The following RNF112 variants were observed in gnomAD, a reference collection of about 807,000 sequenced individuals.
RNF112 encodes the protein ring finger protein 112, also known as brain finger protein.
In RNF112, 34 loss-of-function variants were observed where a neutral mutation model predicts 64.7. The ratio of observed to expected loss-of-function variants is 0.53; its 90% CI spans 0.40 to 0.70. The LOEUF is 0.70. RNF112 is among the 30% of genes least tolerant of loss of function. The pLI, the probability that RNF112 is intolerant of heterozygous loss-of-function variation, is 0.00. For missense variants in RNF112, 734 were observed against 850.0 expected (o/e 0.86, Z 1.70); for synonymous variants, 345 against 344.5 (o/e 1.00, Z -0.02).
chr17:19,411,902 A>G, intron 2 of RNF112: 1 of 607,318 alleles, frequency 1.6e-6, no homozygotes, highest in East Asian at 2.8e-5. Context: ...ATCCAGAGCC[A>G]TCTGCCCAAC....
Position 19,413,433 on chromosome 17 carries a change from G to A in RNF112, c.720+22G>A, listed in dbSNP as rs957817102. 8 of 1,603,536 alleles carry A rather than the reference G, an allele frequency of 5.0e-6. No individual in the cohort carries two copies. Among genetic ancestry groups the A allele is most frequent in the African/African-American group, 4.0e-5 (3 of 74,772 alleles). ...GAAGGTGAGGGGGGAAGTGGCAGAA[G>A]GAGGTCAGGGATGGGAAGGGGAATC... On this transcript the variant is annotated intron_variant, in intron 5 of 13. Coordinates refer to ENST00000461366, the MANE Select transcript of RNF112 (RefSeq NM_007148.5). The surrounding 1 kb of genome is among the most constrained non-coding windows in gnomAD (Gnocchi z 5.9).
chr17:19,414,289 G>T, intron 7 of RNF112, 144 bp downstream of exon 7: 1 of 1,123,446 alleles, frequency 8.9e-7, no homozygotes. Context: ...GGAGAGTAAA[G>T]CAAGAGATGT....
In RNF112 at chr17:19,413,998, A is replaced by C; in HGVS notation, c.826-97A>C. On this transcript the variant is annotated intron_variant, in intron 6 of 13. Transcript: ENST00000461366. The surrounding 1 kb of genome is among the most constrained non-coding windows in gnomAD (Gnocchi z 5.9). ...TGGCCTCTCCCATACTCTGAGGCCCACAGGCTGCCTGCGAGCTCCCTACTC... is the reference window on the plus strand; with the variant it reads ...TGGCCTCTCCCATACTCTGAGGCCCCCAGGCTGCCTGCGAGCTCCCTACTC... 9.6e-7 allele frequency: 1 copy of C among 1,045,966 alleles called. No individual in the cohort carries two copies. Among genetic ancestry groups the C allele is most frequent in the Non-Finnish European group, 1.4e-6 (1 of 692,096 alleles). 64.8% of individuals were successfully genotyped at this position (1,045,966 alleles called of 1,614,324 possible).
chr17:19,411,454 G>A lies in RNF112; in HGVS notation c.46G>A (p.Gly16Ser), dbSNP rs765625909. Residue 16 changes from glycine to serine, a missense_variant, in exon 1 of 14, where the codon GGC becomes AGC. Gly to Ser is a moderately conservative substitution (Grantham distance 56). Transcript: ENST00000461366. ...AGTCACTTCCTTTTGTCATCGGCTT[G>A]GCAAACGGGCAAGTCTTCAGTCCTA... ...LSVTSFCHRLGKRERKQSFMG... is the reference protein window; with the variant it reads ...LSVTSFCHRLSKRERKQSFMG... 5.6e-6 allele frequency: 9 copies of A among 1,603,346 alleles called. No homozygotes were observed. In the Admixed American group the frequency reaches 1.5e-4, roughly 27 times the overall value.
chr17:19,416,526 T>TC lies in RNF112; in HGVS notation c.*351_*352insC. On this transcript the variant is annotated 3_prime_UTR_variant, in exon 14 of 14. Coordinates refer to ENST00000461366, the MANE Select transcript of RNF112 (RefSeq NM_007148.5). Reference sequence around the variant, plus strand: ...CCGATGACCCTGGATTGTAGGAAAGTTAAGCAGGCACCATCCTGGAAGTCT... The same window carrying TC: ...CCGATGACCCTGGATTGTAGGAAAGTCTAAGCAGGCACCATCCTGGAAGTCT... 1 of 227,256 alleles carries TC rather than the reference T, an allele frequency of 4.4e-6. No individual in the cohort carries two copies. The allele number at this position is 227,256 out of a possible 1,614,324, so 14.1% of individuals were successfully genotyped here.
rs1913836134 is a variant in RNF112, at chr17:19,415,293, C to T, written c.1304C>T (p.Ser435Leu). The change falls in exon 12 of 14, where the codon TCA (serine) becomes TTA (leucine). Residue 435 changes from serine (S) to leucine (L), a missense_variant. By Grantham distance (145) the Ser-to-Leu change is moderately radical (BLOSUM62 -2). Coordinates refer to ENST00000461366, the MANE Select transcript of RNF112 (RefSeq NM_007148.5). The surrounding 1 kb of genome is among the most constrained non-coding windows in gnomAD (Gnocchi z 7.8). The part of the protein sequence containing the change: ...QQLAQEIKNL[S>L]GWMGRTGPGF... ...GCGATGGTATCTCCGCAGAACCTCT[C>T]AGGATGGATGGGGAGGACAGGGCCC... 5.0e-6 allele frequency: 8 copies of T among 1,609,488 alleles called. No individual in the cohort carries two copies. The highest frequency in any genetic ancestry group is 1.3e-5 in the African/African-American group (1 of 74,682).
rs1173067978 is a variant in RNF112, at chr17:19,414,670, G to A, written c.1008+10G>A. The A allele has an allele frequency of 1.9e-6, 3 of 1,611,440 alleles. No homozygotes were observed. The highest frequency in any genetic ancestry group is 2.2e-5 in the South Asian group (2 of 91,080). ...AGGCAACATCTTCCAGGTGAGTGGT[G>A]CAAGGGGATGGGGTGGAGGGGCCAT... On this transcript the variant is annotated intron_variant, in intron 9 of 13. Coordinates refer to ENST00000461366, the MANE Select transcript of RNF112 (RefSeq NM_007148.5).
rs1021088858 is a variant in RNF112 at position 19,412,638 on chromosome 17, G to A, written c.236G>A (p.Arg79Gln). 14 of 1,613,346 alleles carry A rather than the reference G, an allele frequency of 8.7e-6. No individual in the cohort carries two copies. Among genetic ancestry groups the A allele is most frequent in the South Asian group, 4.4e-5 (4 of 91,050 alleles). The change falls in exon 3 of 14, where the codon CGG becomes CAG. Residue 79 changes from arginine (R) to glutamine (Q), a missense_variant. Transcript: ENST00000461366. The surrounding 1 kb of genome is among the most constrained non-coding windows in gnomAD (Gnocchi z 5.1). ...GACTGTGGCCACGACTTCTGCATAC[G>A]GTGCTTCAGCACACACCGTCTCCCG... ...SLDCGHDFCI[R>Q]CFSTHRLPGC...
Position 19,414,772 on chromosome 17 carries a change from A to T in RNF112, c.1011A>T (p.Arg337Ser), listed in dbSNP as rs577750265. Residue 337 changes from arginine (R) to serine (S), a missense_variant and splice_region_variant, in exon 10 of 14, where the codon AGA (arginine) becomes AGT (serine). Transcript: ENST00000461366. ...GQGHVGNIFQRLSGRYPKVQE... is the reference protein window; with the variant it reads ...GQGHVGNIFQSLSGRYPKVQE... ...GCACTCCTCTCGCTGCCTCACAGAG[A>T]TTGTCTGGCAGATACCCCAAGGTGC... is the stretch of plus-strand genomic sequence containing the variant. The T allele has an allele frequency of 2.1e-5, 34 of 1,613,218 alleles. No individual in the cohort carries two copies. In the South Asian group the frequency reaches 3.6e-4, roughly 17 times the overall value.
Position 19,412,005 on chromosome 17 carries a change from CA to C in RNF112, c.95+336del, listed in dbSNP as rs1170921463. ...GGGGGCCTGGCTGAAGTCAGCACCT[CA>C]TGGAGGGAGCCCCGCTGTAGAACGC... On this transcript the variant is annotated intron_variant, in intron 2 of 13. Transcript: ENST00000461366. This position sits in a 1 kb window ranked among gnomAD's most constrained non-coding sequence, Gnocchi z 5.1. Among the ~76,000 whole-genome samples, 1 of 152,218 alleles carries C rather than the reference CA, an allele frequency of 6.6e-6. No individual in the cohort carries two copies. The highest frequency in any genetic ancestry group is 2.4e-5 in the African/African-American group (1 of 41,454).
rs1253159761 is a variant in RNF112, at chr17:19,413,607, G to A, written c.751G>A (p.Ala251Thr). ...GGTGTTCCTGGTGGACACAGGGGAT[G>A]CCATGAGCCCTGAGCTGAGCAGGGA... is the stretch of plus-strand genomic sequence containing the variant. The part of the protein sequence containing the change: ...VAVFLVDTGD[A>T]MSPELSRETR... Residue 251 changes from alanine to threonine, a missense_variant, in exon 6 of 14, where the codon GCC becomes ACC. Coordinates refer to ENST00000461366, the MANE Select transcript of RNF112 (RefSeq NM_007148.5). The surrounding 1 kb of genome is among the most constrained non-coding windows in gnomAD (Gnocchi z 5.9). 2.5e-6 allele frequency: 4 copies of A among 1,613,304 alleles called. No homozygotes were observed. The African/African-American group carries it at 4.0e-5, about 16-fold the overall frequency.
chr17:19,417,062 C>T lies in RNF112; in HGVS notation c.*887C>T, dbSNP rs1913918932. 2 of 152,238 alleles carry T rather than the reference C, an allele frequency of 1.3e-5. No homozygotes were observed. The highest frequency in any genetic ancestry group is 6.5e-5 in the Admixed American group (1 of 15,292). The allele number at this position is 152,238 out of a possible 1,614,324, so 9.4% of individuals were successfully genotyped here. A position where few individuals can be genotyped will look rare whatever the true frequency, so the allele number is the denominator to read the frequency against. On this transcript the variant is annotated 3_prime_UTR_variant, in exon 14 of 14. Coordinates refer to ENST00000461366, the MANE Select transcript of RNF112 (RefSeq NM_007148.5). The stretch of plus-strand genomic sequence containing the variant: ...CTACCCTTAAACACATCCTTTCTCC[C>T]CTGGGCTTGTAAGAAGATGCAGCTT...
chr17:19,415,271 A>G lies in RNF112; in HGVS notation c.1297-15A>G. On this transcript the variant is annotated splice_polypyrimidine_tract_variant and intron_variant, in intron 11 of 13. Transcript: ENST00000461366. This position sits in a 1 kb window ranked among gnomAD's most constrained non-coding sequence, Gnocchi z 7.8. ...GCCCCTGCTCTCCCTGACCCCAGCG[A>G]TGGTATCTCCGCAGAACCTCTCAGG... 6.2e-7 allele frequency: 1 copy of G among 1,601,284 alleles called. No homozygotes were observed. Among genetic ancestry groups the G allele is most frequent in the Non-Finnish European group, 8.5e-7 (1 of 1,176,458 alleles).
In RNF112 at chr17:19,412,479, G is replaced by C. The variant is rs774706798; in HGVS notation, c.96-19G>C. On this transcript the variant is annotated intron_variant, in intron 2 of 13. Coordinates refer to ENST00000461366, the MANE Select transcript of RNF112 (RefSeq NM_007148.5). The surrounding 1 kb of genome is among the most constrained non-coding windows in gnomAD (Gnocchi z 5.1). ...CCCAATAGACATCCTGCTTTTCAAT[G>C]GCCTGTTTTGCCCCACAGGTCCCAT... 3.1e-6 allele frequency: 5 copies of C among 1,603,146 alleles called. No individual in the cohort carries two copies. In the East Asian group the frequency reaches 1.1e-4, roughly 36 times the overall value.
Position 19,413,341 on chromosome 17 carries a change from G to C in RNF112, c.650G>C (p.Gly217Ala), listed in dbSNP as rs748034603. 1 of 1,613,370 alleles carries C rather than the reference G, an allele frequency of 6.2e-7. No individual in the cohort carries two copies. The highest frequency in any genetic ancestry group is 8.5e-7 in the Non-Finnish European group (1 of 1,179,632). The change falls in exon 5 of 14, where the codon GGC becomes GCC. Residue 217 changes from glycine (G) to alanine (A), a missense_variant. By Grantham distance (60) the Gly-to-Ala change is moderately conservative. Transcript: ENST00000461366. This position sits in a 1 kb window ranked among gnomAD's most constrained non-coding sequence, Gnocchi z 5.9. ...GCATCCCTGCAGGGCTGCAGGTGGG[G>C]CGCCAATGGCCTCGCCAGGGGCATA... The part of the protein sequence containing the change: ...GEASLQGCRW[G>A]ANGLARGIWM...
chr17:19,415,392 AGGTG>A lies in RNF112; in HGVS notation c.1350+56_1350+59del. 1.3e-6 allele frequency: 2 copies of A among 1,553,110 alleles called. No homozygotes were observed. The highest frequency in any genetic ancestry group is 1.7e-6 in the Non-Finnish European group (2 of 1,148,536). ...TGGCAGGGAGACAGGGGAGGCAGGG[AGGTG>A]GGGGCTGTGCCGAGGCCTCCGGGGT... On this transcript the variant is annotated intron_variant, in intron 12 of 13. Transcript: ENST00000461366. The surrounding 1 kb of genome is among the most constrained non-coding windows in gnomAD (Gnocchi z 7.8).
At position 19,412,613 on chromosome 17, in the gene RNF112, G is replaced by A. The variant is rs1913700241; in HGVS notation, c.211G>A (p.Asp71Asn). Residue 71 changes from aspartate (D) to asparagine (N), a missense_variant, in exon 3 of 14, where the codon GAC (aspartate) becomes AAC (asparagine). Physicochemically the swap from Asp to Asn is conservative, Grantham distance 23. Transcript: ENST00000461366. The surrounding 1 kb of genome is among the most constrained non-coding windows in gnomAD (Gnocchi z 5.1). ...LERLRDPISL[D>N]CGHDFCIRCF... ...GAGGTTGCGCGACCCCATCTCGCTGGACTGTGGCCACGACTTCTGCATACG... is the reference window on the plus strand; with the variant it reads ...GAGGTTGCGCGACCCCATCTCGCTGAACTGTGGCCACGACTTCTGCATACG... 3 of 1,613,424 alleles carry A rather than the reference G, an allele frequency of 1.9e-6. No homozygotes were observed. The highest frequency in any genetic ancestry group is 1.7e-6 in the Non-Finnish European group (2 of 1,179,776).
At position 19,414,951 on chromosome 17, in the gene RNF112, C is replaced by G. The variant is rs1913814517; in HGVS notation, c.1126+64C>G. 1.9e-6 allele frequency: 3 copies of G among 1,594,182 alleles called. No homozygotes were observed. The Admixed American group carries it at 5.0e-5, about 27-fold the overall frequency. ...CCCAGCTCCCCTCCGGCAACCGAGC[C>G]CCTTGAAGCACCCACCTCTCCTGGC... On this transcript the variant is annotated intron_variant, in intron 10 of 13. Transcript: ENST00000461366.
At chr17:19,411,604 CTTTT>C (rs33912708) in intron 1 of RNF112, 22 bp from the exon 2 acceptor site, 857 of 1,406,094 alleles carry the variant, frequency 6.1e-4, no homozygotes, top group Middle Eastern at 1.5e-3. Context: ...TGTTCTAAAT[CTTTT>C]TTTTTTTTTT....
Sources: allele counts gnomAD v4.1 joint callset (sites outside exome capture counted in the v4.1 genomes callset), GRCh38; gene constraint gnomAD v4.1.1; non-coding constraint Gnocchi (gnomAD v3.1); transcripts MANE v1.5; gene names NCBI Gene and HGNC (gene_info 2026-07-23, HGNC 2026-07-21).